The following BNC2 variants were observed in gnomAD, a reference collection of about 807,000 sequenced individuals.
BNC2 encodes basonuclin zinc finger protein 2, also known as zinc finger protein basonuclin-2.
Under a neutral mutation model 76.3 loss-of-function variants are expected in BNC2, and 20 were observed. The ratio of observed to expected loss-of-function variants is 0.26; its 90% CI spans 0.18 to 0.38. The LOEUF is 0.38. BNC2 is among the 10% of genes least tolerant of loss of function. The pLI is 1.00. For synonymous variants in BNC2, 582 were observed against 514.8 expected (o/e 1.13, Z -1.77); for missense variants, 1,382 against 1,399.8 (o/e 0.99, Z 0.20).
At chr9:16,679,102 GCAATCA>G (rs1587308152) in intron 3 of BNC2, among the ~76,000 whole-genome samples, 1 of 152,168 alleles carries the variant, frequency 6.6e-6, no homozygotes, top group East Asian at 1.9e-4. Flanking sequence ...ACCTAATATT[GCAATCA>G]CAGCCAGACT....
intron 5 of BNC2, among the ~76,000 whole-genome samples, chr9:16,469,992 CTTTT>C (rs201134930): frequency 1.7e-5 from 2 of 114,954 alleles, no homozygotes; most frequent in African/African-American, 3.7e-5. Flanking sequence ...TAATGGCATT[CTTTT>C]TTTTTTTTTT....
At chr9:16,832,727 T>A (rs573178255) in intron 1 of BNC2, among the ~76,000 whole-genome samples, 23 of 141,456 alleles carry the variant, frequency 1.6e-4, no homozygotes, top group African/African-American at 5.9e-4. Flanking sequence ...TCCAAATTCC[T>A]TTTTTTTTTC....
At chr9:16,547,764 G>A (rs546095385) in intron 5 of BNC2, among the ~76,000 whole-genome samples, 35 of 152,282 alleles carry the variant, frequency 2.3e-4, no homozygotes, top group Non-Finnish European at 3.1e-4. Flanking sequence ...AGAACTGAGT[G>A]TGTTCAGAAC....
At chr9:16,870,557 C>G in intron 1 of BNC2, 89 bp downstream of exon 1, 1 of 1,482,860 alleles carries the variant, frequency 6.7e-7, no homozygotes, top group East Asian at 2.5e-5. Flanking sequence ...GCGGACACGG[C>G]CCCCGGGCGG....
intron 3 of BNC2, among the ~76,000 whole-genome samples, chr9:16,707,200 C>CT (rs1166825751): frequency 6.6e-6 from 1 of 150,930 alleles, no homozygotes; most frequent in African/African-American, 2.4e-5. Flanking sequence ...AGACTCCGCC[C>CT]CCCCGCCAAA....
intron 3 of BNC2, among the ~76,000 whole-genome samples, chr9:16,610,279 C>T (rs778408392): frequency 1.3e-5 from 2 of 152,042 alleles, no homozygotes; most frequent in Non-Finnish European, 1.5e-5. Flanking sequence ...TTGGGAGCCC[C>T]CTTTGCTCAT....
chr9:16,757,669 A>G (rs1563929482), intron 1 of BNC2, among the ~76,000 whole-genome samples: 1 of 151,854 alleles, frequency 6.6e-6, no homozygotes, highest in African/African-American at 2.4e-5. Flanking sequence ...ACAATTATTG[A>G]CTGCCTACTA....
At chr9:16,421,378 C>A in intron 6 of BNC2, 1 of 868,916 alleles carries the variant, frequency 1.2e-6, no homozygotes, top group Non-Finnish European at 1.6e-6. Flanking sequence ...AACAAATTCA[C>A]ATTCTAGACA....
At chr9:16,710,480 T>C (rs1327741718) in intron 3 of BNC2, among the ~76,000 whole-genome samples, 4 of 152,232 alleles carry the variant, frequency 2.6e-5, no homozygotes, top group Non-Finnish European at 5.9e-5. Context: ...ATAAGGAATT[T>C]CCTGGTTCAT....
intron 3 of BNC2, among the ~76,000 whole-genome samples, chr9:16,693,218 G>C (rs6475068): frequency 0.84 from 127,789 of 151,640 alleles, 54,145 homozygotes; most frequent in Non-Finnish European, 0.9. Context: ...GCAACCAACC[G>C]TTTCACAATT....
intron 5 of BNC2, among the ~76,000 whole-genome samples, chr9:16,458,783 C>T (rs1821510595): frequency 6.6e-6 from 1 of 152,224 alleles, no homozygotes; most frequent in Non-Finnish European, 1.5e-5. Context: ...TCACTATGTG[C>T]CGGGCACCAA....
At chr9:16,671,084 G>A (rs893253494) in intron 3 of BNC2, among the ~76,000 whole-genome samples, 3 of 151,988 alleles carry the variant, frequency 2.0e-5, no homozygotes, top group Non-Finnish European at 4.4e-5. Flanking sequence ...TTCCTCAGAA[G>A]GCCTCAGAGA....
intron 3 of BNC2, among the ~76,000 whole-genome samples, chr9:16,717,681 G>A (rs899573344): frequency 3.3e-5 from 5 of 152,140 alleles, no homozygotes; most frequent in Admixed American, 1.3e-4. Context: ...TAGTTAATCT[G>A]TGTTTTATGG....
In BNC2 at chr9:16,508,060, T is replaced by G. The variant is rs1445122768; in HGVS notation, c.669+44470A>C. Among the ~76,000 whole-genome samples, 3 of 152,298 alleles carry G rather than the reference T, an allele frequency of 2.0e-5. No homozygotes were observed. The East Asian group carries it at 5.8e-4, about 29-fold the overall frequency. On this transcript the variant is annotated intron_variant, in intron 5 of 6. Transcript: ENST00000380672. ...ATAAGAAGATAAGCAAGAAATACTT[T>G]CTCTGCCACAAGGAATTTGAAGTCT...
intron 5 of BNC2, among the ~76,000 whole-genome samples, chr9:16,453,991 CCCA>C (rs2131108236): frequency 6.6e-6 from 1 of 152,274 alleles, no homozygotes; most frequent in Non-Finnish European, 1.5e-5. Flanking sequence ...ACTATATACT[CCCA>C]CCACCAACGT....
intron 5 of BNC2, among the ~76,000 whole-genome samples, chr9:16,545,130 A>C (rs1818439668): frequency 6.6e-6 from 1 of 152,196 alleles, no homozygotes; most frequent in South Asian, 2.1e-4. Flanking sequence ...ATGTACATAC[A>C]TATATACGTG....
rs147131542 is a variant in BNC2 at position 16,434,278 on chromosome 9, G to A, written c.2639+1277C>T. Among the ~76,000 whole-genome samples, 52 of 152,258 alleles carry A rather than the reference G, an allele frequency of 3.4e-4. 1 individual carries two copies. The highest frequency in any genetic ancestry group is 1.2e-3 in the African/African-American group (48 of 41,554). On this transcript the variant is annotated intron_variant, in intron 6 of 6. Transcript: ENST00000380672. ...TTAAAAAGGATTGATCTCCAAATAT[G>A]AAGACAAAACTGAATATTCCAGGGA...
At chr9:16,691,330 A>G (rs1483830224) in intron 3 of BNC2, among the ~76,000 whole-genome samples, 2 of 152,160 alleles carry the variant, frequency 1.3e-5, no homozygotes, top group Non-Finnish European at 2.9e-5. Context: ...AAATGGATAG[A>G]AGTGAAATTA....
chr9:16,715,424 T>A (rs149032363), intron 3 of BNC2, among the ~76,000 whole-genome samples: 1 of 152,212 alleles, frequency 6.6e-6, no homozygotes, highest in African/African-American at 2.4e-5. Context: ...CCAAGATGAA[T>A]GATCACATGC....
Sources: allele counts gnomAD v4.1 joint callset (sites outside exome capture counted in the v4.1 genomes callset), GRCh38; gene constraint gnomAD v4.1.1; transcripts MANE v1.5; gene names NCBI Gene and HGNC (gene_info 2026-07-23, HGNC 2026-07-21).